IQGAP2: variants seen among roughly 807,000 people sequenced by gnomAD.
The protein encoded by IQGAP2 is IQ motif containing GTPase activating protein 2, also known as ras GTPase-activating-like protein IQGAP2.
A neutral mutation model predicts 201.3 loss-of-function variants in IQGAP2; 173 were observed. That is an observed-to-expected ratio of 0.86 (90% CI 0.76 to 0.98). The LOEUF (loss-of-function observed/expected upper bound fraction) is 0.98, where lower values mean the gene tolerates loss of function less well. Among genes scored for constraint, IQGAP2 ranks in the 50% least tolerant of loss-of-function variants. The probability of loss-of-function intolerance (pLI) is 0.00; values close to 1 mark genes in which losing one functional copy is unlikely to be tolerated. For missense variants in IQGAP2, 1,687 were observed against 1,864.8 expected (o/e 0.90, Z 1.76); for synonymous variants, 675 against 673.9 (o/e 1.00, Z -0.03).
At chr5:76,649,947 G>A (rs909418979) in intron 17 of IQGAP2, among the ~76,000 whole-genome samples, 1 of 152,212 alleles carries the variant, frequency 6.6e-6, no homozygotes, top group Admixed American at 6.5e-5. Context: ...AGGCACTAAG[G>A]CTTACAGCTT....
chr5:76,549,320 AGTGT>A lies in IQGAP2; in HGVS notation c.147-13052_147-13049del, dbSNP rs35060845. Among the ~76,000 whole-genome samples, 206 of 147,820 alleles carry A rather than the reference AGTGT, an allele frequency of 1.4e-3. 1 individual carries two copies. In the South Asian group the frequency reaches 0.018, roughly 13 times the overall value. On this transcript the variant is annotated intron_variant, in intron 2 of 35. Coordinates refer to ENST00000274364, the MANE Select transcript of IQGAP2 (RefSeq NM_006633.5). ...TTCAGTCTCAGGCGTCGAGCTCTGG[AGTGT>A]GTGTGTGTGTGTGTGTGTGTGTGCT...
At chr5:76,671,714 T>A in intron 23 of IQGAP2, 45 bp from the exon 24 acceptor site, 3 of 1,287,948 alleles carry the variant, frequency 2.3e-6, no homozygotes, top group Admixed American at 2.1e-5. Flanking sequence ...AAAAAATCTG[T>A]ATCCATGGAA....
intron 30 of IQGAP2, among the ~76,000 whole-genome samples, chr5:76,687,922 T>G (rs1253773993): frequency 1.3e-5 from 2 of 152,330 alleles, no homozygotes; most frequent in African/African-American, 4.8e-5. Context: ...TTGAATCATC[T>G]TCCCGAAACC....
At chr5:76,583,751 AC>A (rs1270637837) in intron 5 of IQGAP2, among the ~76,000 whole-genome samples, 4 of 152,238 alleles carry the variant, frequency 2.6e-5, no homozygotes, top group Non-Finnish European at 4.4e-5. Context: ...TAGCTATCTA[AC>A]TTCTTTATCA....
At chr5:76,640,731 AC>A (rs1258732507) in intron 16 of IQGAP2, among the ~76,000 whole-genome samples, 3 of 152,210 alleles carry the variant, frequency 2.0e-5, no homozygotes, top group African/African-American at 7.2e-5. Context: ...CCACCTCAGC[AC>A]CAAGCTCAGA....
intron 2 of IQGAP2, among the ~76,000 whole-genome samples, chr5:76,464,020 G>C (rs1010800603): frequency 6.6e-6 from 1 of 151,732 alleles, no homozygotes; most frequent in Non-Finnish European, 1.5e-5. Context: ...GCTAATTTTT[G>C]TATTTTTAGT....
intron 22 of IQGAP2, 131 bp downstream of exon 22, chr5:76,665,306 G>A (rs1001427026): frequency 5.3e-6 from 4 of 757,648 alleles, no homozygotes; most frequent in Admixed American, 5.0e-5. Flanking sequence ...TAAGTACCAA[G>A]TGCTGTTGTT....
rs1412890824 is a variant in IQGAP2, at chr5:76,403,531, C to G, written c.-15C>G. The stretch of plus-strand genomic sequence containing the variant: ...CGGGGGGCGCGCCCCGGGCGGGCCC[C>G]CGGAGACGCGCAGGATGCCACACGA... On this transcript the variant is annotated 5_prime_UTR_variant, in exon 1 of 36. Coordinates refer to ENST00000274364, the MANE Select transcript of IQGAP2 (RefSeq NM_006633.5). This position sits in a 1 kb window ranked among gnomAD's most constrained non-coding sequence, Gnocchi z 4.8. 6.7e-7 allele frequency: 1 copy of G among 1,498,232 alleles called. No homozygotes were observed. The highest frequency in any genetic ancestry group is 1.4e-5 in the African/African-American group (1 of 69,026). The allele number at this position is 1,498,232 out of a possible 1,614,324, so 92.8% of individuals were successfully genotyped here.
intron 2 of IQGAP2, among the ~76,000 whole-genome samples, chr5:76,551,270 G>A (rs1743484712): frequency 1.3e-5 from 2 of 150,632 alleles, no homozygotes; most frequent in Non-Finnish European, 3.0e-5. Flanking sequence ...CGGCGGGGCA[G>A]AGGCGCTCCC....
chr5:76,545,605 G>A (rs1223030099), intron 2 of IQGAP2, among the ~76,000 whole-genome samples: 1 of 150,386 alleles, frequency 6.6e-6, no homozygotes, highest in Non-Finnish European at 1.5e-5. Context: ...CAAATGGTAT[G>A]GCTATCTCAT....
In IQGAP2 at chr5:76,509,293, A is replaced by G. The variant is rs114174826; in HGVS notation, c.146+47624A>G. On this transcript the variant is annotated intron_variant, in intron 2 of 35. Coordinates refer to ENST00000274364, the MANE Select transcript of IQGAP2 (RefSeq NM_006633.5). ...AAAGACTGAATAGTAACACTGAACA[A>G]TGTTTATGATCGTATTGTTGAGTGA... is the stretch of plus-strand genomic sequence containing the variant. 8.3e-3 allele frequency among the ~76,000 whole-genome samples: 1,264 copies of G among 152,200 alleles called. 12 individuals carry two copies. Among genetic ancestry groups the G allele is most frequent in the African/African-American group, 0.029 (1,191 of 41,520 alleles).
chr5:76,419,544 G>T (rs1239236599), intron 1 of IQGAP2, among the ~76,000 whole-genome samples: 1 of 152,030 alleles, frequency 6.6e-6, no homozygotes, highest in African/African-American at 2.4e-5. Context: ...CACCACGTTG[G>T]CCAGGCTGGT....
In IQGAP2 at chr5:76,696,596, T is replaced by A. The variant is rs530493954; in HGVS notation, c.4206+930T>A. 2.6e-5 allele frequency among the ~76,000 whole-genome samples: 4 copies of A among 151,898 alleles called. No individual in the cohort carries two copies. The East Asian group carries it at 5.8e-4, about 22-fold the overall frequency. ...GTTAAATGACCAGAAAAAAAAAAAA[T>A]TTCTCACCTTCTGGAAGGGAAATGC... On this transcript the variant is annotated intron_variant, in intron 32 of 35. Coordinates refer to ENST00000274364, the MANE Select transcript of IQGAP2 (RefSeq NM_006633.5).
chr5:76,580,639 A>C (rs1477322934), intron 5 of IQGAP2, among the ~76,000 whole-genome samples: 1 of 152,182 alleles, frequency 6.6e-6, no homozygotes, highest in East Asian at 1.9e-4. Flanking sequence ...GGCCTTTCTC[A>C]GACTTAACCA....
intron 2 of IQGAP2, among the ~76,000 whole-genome samples, chr5:76,511,750 G>T (rs1192496422): frequency 4.0e-5 from 6 of 150,214 alleles, no homozygotes; most frequent in African/African-American, 1.5e-4. Context: ...GCGCGATCTC[G>T]GCTCACTGCA....
intron 2 of IQGAP2, among the ~76,000 whole-genome samples, chr5:76,508,582 C>T (rs769985912): frequency 6.6e-5 from 10 of 151,852 alleles, no homozygotes; most frequent in Non-Finnish European, 1.2e-4. Flanking sequence ...GTGGCTCACC[C>T]CCATAATCCC....
intron 27 of IQGAP2, among the ~76,000 whole-genome samples, chr5:76,675,180 A>AT (rs772081025): frequency 1.2e-4 from 19 of 152,268 alleles, no homozygotes; most frequent in Admixed American, 9.2e-4. Context: ...TTATATATGG[A>AT]TTTTTTCAAC....
intron 1 of IQGAP2, among the ~76,000 whole-genome samples, chr5:76,450,218 G>T (rs946148607): frequency 6.6e-6 from 1 of 152,110 alleles, no homozygotes; most frequent in South Asian, 2.1e-4. Flanking sequence ...ACAATCACGG[G>T]TTGTATACAT....
intron 28 of IQGAP2, among the ~76,000 whole-genome samples, chr5:76,678,951 T>G (rs1219913985): frequency 6.6e-6 from 1 of 152,220 alleles, no homozygotes; most frequent in African/African-American, 2.4e-5. Flanking sequence ...ACATACTGAT[T>G]AAATGAATAG....
Sources: gnomAD v4.1 joint callset for allele counts (sites outside exome capture counted in the v4.1 genomes callset) on GRCh38, gnomAD v4.1.1 for gene constraint, Gnocchi (gnomAD v3.1) non-coding constraint, MANE v1.5 for transcripts, NCBI Gene and HGNC (gene_info 2026-07-23, HGNC 2026-07-21) for gene names.